The following C2CD5 variants were observed in gnomAD, a reference collection of about 807,000 sequenced individuals.
The protein encoded by C2CD5 is C2 domain-containing protein 5.
Under a neutral mutation model 130.3 loss-of-function variants are expected in C2CD5, and 109 were observed. The ratio of observed to expected loss-of-function variants is 0.84; its 90% CI spans 0.72 to 0.98. The LOEUF is 0.98. C2CD5 is among the 50% of genes least tolerant of loss of function. C2CD5 has a pLI of 0.00. For synonymous variants in C2CD5, 454 were observed against 429.2 expected, an observed-to-expected ratio of 1.06 and a Z score of -0.71; for missense variants, 996 against 1,261.8, an observed-to-expected ratio of 0.79 and a Z score of 3.19.
Position 22,454,424 on chromosome 12 carries a change from C to T in C2CD5, c.2878-382G>A, listed in dbSNP as rs973951636. 5.3e-5 allele frequency among the ~76,000 whole-genome samples: 8 copies of T among 152,102 alleles called. No homozygotes were observed. The East Asian group carries it at 1.5e-3, about 29-fold the overall frequency. On this transcript the variant is annotated intron_variant, in intron 25 of 26. Transcript: ENST00000446597. ...TAAACAAATTGATGATAAGCCTAAA[C>T]GATAAAACTTACCTGTTATCTATAT... is the stretch of plus-strand genomic sequence containing the variant.
rs74453976 is a variant in C2CD5, at chr12:22,473,124, T to A, written c.2044-317A>T. 2.6e-4 allele frequency among the ~76,000 whole-genome samples: 40 copies of A among 152,288 alleles called. 1 individual carries two copies. The East Asian group carries it at 7.5e-3, about 29-fold the overall frequency. ...TTCTAATTTGTTTAAATTAATAAAG[T>A]GTAATGAGATCCTTTCACTAAATGC... On this transcript the variant is annotated intron_variant, in intron 16 of 26. Transcript: ENST00000446597.
chr12:22,525,621 T>C lies in C2CD5; in HGVS notation c.434A>G (p.Lys145Arg), dbSNP rs1459649214. 3.3e-6 allele frequency: 5 copies of C among 1,511,214 alleles called. No individual in the cohort carries two copies. Among genetic ancestry groups the C allele is most frequent in the South Asian group, 2.3e-5 (2 of 88,772 alleles). The allele number at this position is 1,511,214 out of a possible 1,614,324, so 93.6% of individuals were successfully genotyped here. Reference protein sequence around the residue: ...NRFRQSSCGVKFFCTTSIPKC... With the variant: ...NRFRQSSCGVRFFCTTSIPKC... ...ATGTATTTACTTACTGCAAAAGAATTTGACTCCACATGATGACTGCCTAAA... is the reference window on the plus strand; with the variant it reads ...ATGTATTTACTTACTGCAAAAGAATCTGACTCCACATGATGACTGCCTAAA... The change falls in exon 5 of 27, where the codon AAA (lysine) becomes AGA (arginine). Residue 145 changes from lysine (K) to arginine (R), a missense_variant. Coordinates refer to ENST00000446597, the MANE Select transcript of C2CD5 (RefSeq NM_001286176.2).
chr12:22,454,049 A>G lies in C2CD5; in HGVS notation c.2878-7T>C. On this transcript the variant is annotated splice_region_variant and splice_polypyrimidine_tract_variant and intron_variant, in intron 25 of 26. Coordinates refer to ENST00000446597, the MANE Select transcript of C2CD5 (RefSeq NM_001286176.2). The stretch of plus-strand genomic sequence containing the variant: ...AACCACTGACTCCTCCTTCCTAAAT[A>G]ATAGTGCACAGGAAAATCATACTAT... 3.7e-6 allele frequency: 6 copies of G among 1,611,248 alleles called. No individual in the cohort carries two copies. The highest frequency in any genetic ancestry group is 5.1e-6 in the Non-Finnish European group (6 of 1,177,762).
intron 2 of C2CD5, among the ~76,000 whole-genome samples, chr12:22,540,722 G>T (rs1055661122): frequency 6.6e-6 from 1 of 152,078 alleles, no homozygotes; most frequent in Non-Finnish European, 1.5e-5. Context: ...AGCTGGGCGC[G>T]GAGGCAAGCA....
intron 15 of C2CD5, among the ~76,000 whole-genome samples, 159 bp from the exon 16 acceptor site, chr12:22,475,050 T>C (rs1943643599): frequency 6.6e-6 from 1 of 152,172 alleles, no homozygotes; most frequent in Admixed American, 6.6e-5. Context: ...TAAACTTTTA[T>C]AGCAGATATG....
At chr12:22,461,945 C>A (rs921823022) in intron 22 of C2CD5, among the ~76,000 whole-genome samples, 3 of 148,620 alleles carry the variant, frequency 2.0e-5, no homozygotes, top group Admixed American at 2.0e-4. Flanking sequence ...CTGGTCCCAG[C>A]AGCAGATAGA....
rs1050578091 is a variant in C2CD5 at position 22,469,789 on chromosome 12, G to A, written c.2453C>T (p.Thr818Ile). Residue 818 changes from threonine to isoleucine, a missense_variant, in exon 22 of 27, where the codon ACA becomes ATA. Thr to Ile is a moderately conservative substitution (Grantham distance 89). Transcript: ENST00000446597. ...AAATTGTAAAAGTTCTTCATTATCT[G>A]TTGAGGCTAGAAAGGCAAGAAAATA... ...PVEKSLQRAS[T>I]DNEELLQFPL... 4 of 1,589,520 alleles carry A rather than the reference G, an allele frequency of 2.5e-6. No individual in the cohort carries two copies. The highest frequency in any genetic ancestry group is 1.4e-5 in the African/African-American group (1 of 73,610).
intron 10 of C2CD5, among the ~76,000 whole-genome samples, chr12:22,499,944 T>C (rs1947543235): frequency 1.3e-5 from 2 of 152,210 alleles, no homozygotes; most frequent in Non-Finnish European, 2.9e-5. Flanking sequence ...TCCCCACACT[T>C]TGGGAGGCTG....
rs542092130 is a variant in C2CD5 at position 22,538,019 on chromosome 12, A to G, written c.91-2675T>C. Among the ~76,000 whole-genome samples the G allele has an allele frequency of 2.6e-5, 4 of 152,328 alleles. No individual in the cohort carries two copies. The South Asian group carries it at 8.3e-4, about 32-fold the overall frequency. On this transcript the variant is annotated intron_variant, in intron 2 of 26. Transcript: ENST00000446597. ...GTCATATATAGTGGAAATTCTCTCA[A>G]TCAATGCAACCAGGACCAATACTTG... is the stretch of plus-strand genomic sequence containing the variant.
intron 8 of C2CD5, among the ~76,000 whole-genome samples, chr12:22,516,169 T>C (rs544529685): frequency 1.5e-4 from 23 of 151,838 alleles, no homozygotes; most frequent in Non-Finnish European, 2.7e-4. Flanking sequence ...CTGATTCTGA[T>C]ATAGGTAAAT....
At position 22,471,460 on chromosome 12, in the gene C2CD5, A is replaced by T. The variant is rs148252472; in HGVS notation, c.2297T>A (p.Ile766Asn). 159 of 1,597,974 alleles carry T rather than the reference A, an allele frequency of 1.0e-4. No homozygotes were observed. The highest frequency in any genetic ancestry group is 8.9e-4 in the Admixed American group (53 of 59,850). ...ATTTACATGGCAAAGGCAGCAGGGG[A>T]TCATAGATCGTAGTTTAAAGTACAG... The part of the protein sequence containing the change: ...KSLYFKLRSM[I>N]PCCLCHVNFT... Residue 766 changes from isoleucine to asparagine, a missense_variant, in exon 20 of 27, where the codon ATC (isoleucine) becomes AAC (asparagine). Physicochemically the swap from Ile to Asn is moderately radical, Grantham distance 149. This residue lies in a region of C2CD5 where 590 missense variants were observed against 631.4 expected (regional missense o/e 0.93). Transcript: ENST00000446597.
At position 22,515,850 on chromosome 12, in the gene C2CD5, TA is replaced by T. The variant is rs961844739; in HGVS notation, c.952+2135del. On this transcript the variant is annotated intron_variant, in intron 8 of 26. Transcript: ENST00000446597. ...AACTATACATAGTTAAAAGACTGGC[TA>T]AAAAAAATTAGCTAAAATCAGGTGT... Among the ~76,000 whole-genome samples the T allele has an allele frequency of 3.9e-3, 586 of 151,772 alleles. 3 individuals are homozygous for T. Among genetic ancestry groups the T allele is most frequent in the Admixed American group, 8.0e-3 (122 of 15,222 alleles).
At chr12:22,473,438 G>A (rs1943358472) in intron 16 of C2CD5, among the ~76,000 whole-genome samples, 1 of 152,098 alleles carries the variant, frequency 6.6e-6, no homozygotes, top group Non-Finnish European at 1.5e-5. Context: ...GCTACCCACA[G>A]TCACAGCCAT....
At chr12:22,510,756 C>T (rs1949095406) in intron 9 of C2CD5, among the ~76,000 whole-genome samples, 1 of 152,148 alleles carries the variant, frequency 6.6e-6, no homozygotes, top group South Asian at 2.1e-4. Flanking sequence ...CTAGGTTAAA[C>T]TAAGTTCACT....
intron 4 of C2CD5, among the ~76,000 whole-genome samples, 157 bp from the exon 5 acceptor site, chr12:22,525,862 C>T (rs1950671312): frequency 6.6e-6 from 1 of 152,164 alleles, no homozygotes. Context: ...CTGATTTTCA[C>T]TTTCAGTCCA....
chr12:22,474,563 A>G (rs1410020846), intron 16 of C2CD5, among the ~76,000 whole-genome samples, 188 bp downstream of exon 16: 1 of 152,136 alleles, frequency 6.6e-6, no homozygotes, highest in Non-Finnish European at 1.5e-5. Flanking sequence ...TGTATCAGTG[A>G]CCTGGTATTG....
chr12:22,466,626 T>C (rs1257184303), intron 22 of C2CD5, among the ~76,000 whole-genome samples: 1 of 152,294 alleles, frequency 6.6e-6, no homozygotes, highest in Non-Finnish European at 1.5e-5. Context: ...CATTTTGAGA[T>C]AGCTTTAAAA....
At chr12:22,502,947 G>A (rs1264696278) in intron 10 of C2CD5, 1 of 575,538 alleles carries the variant, frequency 1.7e-6, no homozygotes, top group Non-Finnish European at 3.1e-6. Flanking sequence ...TTAATAAGAA[G>A]TAGAAATAGA....
chr12:22,525,802 CAAT>C (rs1295472368), intron 4 of C2CD5, 97 bp from the exon 5 acceptor site: 36 of 718,472 alleles, frequency 5.0e-5, no homozygotes, highest in Non-Finnish European at 8.3e-5. Flanking sequence ...TTTTAAAATA[CAAT>C]GATTTAACTC....
Sources: gnomAD v4.1 joint callset for allele counts (sites outside exome capture counted in the v4.1 genomes callset) on GRCh38, gnomAD v4.1.1 for gene constraint, gnomAD v4.1.1 regional missense constraint, MANE v1.5 for transcripts, NCBI Gene and HGNC (gene_info 2026-07-23, HGNC 2026-07-21) for gene names.